STAC: variants seen among roughly 807,000 people sequenced by gnomAD.
STAC encodes the protein SH3 and cysteine rich domain, also known as SH3 and cysteine-rich domain-containing protein.
In STAC, 43 loss-of-function variants were observed where a neutral mutation model predicts 48.8. The observed-to-expected ratio is 0.88, with a 90% CI of 0.69 to 1.14. The LOEUF (loss-of-function observed/expected upper bound fraction) is 1.14, where lower values mean the gene tolerates loss of function less well. Ranked by LOEUF, STAC falls within the 50% of genes most tolerant of loss-of-function variation. The probability of loss-of-function intolerance (pLI) is 0.00; values close to 1 mark genes in which losing one functional copy is unlikely to be tolerated. For missense variants in STAC, 497 were observed against 504.0 expected, an observed-to-expected ratio of 0.99 and a Z score of 0.13; for synonymous variants, 193 against 179.5, an observed-to-expected ratio of 1.07 and a Z score of -0.60.
chr3:36,398,630 G>A (rs113110492), intron 1 of STAC, among the ~76,000 whole-genome samples: 3,122 of 74,764 alleles, frequency 0.042, 362 homozygotes, highest in Middle Eastern at 0.076. Flanking sequence ...GAGAAAAAGA[G>A]AGAGAAAGAA....
chr3:36,383,908 G>A (rs78050576), intron 1 of STAC, among the ~76,000 whole-genome samples: 117 of 152,288 alleles, frequency 7.7e-4, no homozygotes, highest in African/African-American at 2.7e-3. Context: ...TACAAACCCC[G>A]TCTTGGACTT....
chr3:36,482,763 C>T (rs1305889873), intron 2 of STAC, among the ~76,000 whole-genome samples: 2 of 152,074 alleles, frequency 1.3e-5, no homozygotes, highest in Non-Finnish European at 2.9e-5. Flanking sequence ...CTTAGAGTTC[C>T]TGGAGTAGTG....
intron 1 of STAC, chr3:36,409,643 A>G (rs929389240): frequency 8.5e-5 from 13 of 152,214 alleles, no homozygotes; most frequent in African/African-American, 3.1e-4. Context: ...TGACTTGAAG[A>G]TATCTTGTAT....
chr3:36,538,741 TG>T (rs1318583640), intron 10 of STAC, among the ~76,000 whole-genome samples: 7 of 152,234 alleles, frequency 4.6e-5, no homozygotes, highest in Admixed American at 6.5e-5. Context: ...ATTTTCTGGA[TG>T]GTTAAAGAGG....
At chr3:36,426,054 A>ACAAAG (rs1184642892) in intron 1 of STAC, among the ~76,000 whole-genome samples, 2 of 152,020 alleles carry the variant, frequency 1.3e-5, no homozygotes, top group Non-Finnish European at 2.9e-5. Flanking sequence ...ACAAAACAAA[A>ACAAAG]CAAAACAAAA....
chr3:36,456,345 G>A (rs1447336248), intron 2 of STAC, among the ~76,000 whole-genome samples: 5 of 152,054 alleles, frequency 3.3e-5, no homozygotes, highest in Admixed American at 3.3e-4. Flanking sequence ...CTGTTTGTAC[G>A]GAGATTTCAA....
At chr3:36,444,132 A>G (rs1696439162) in intron 2 of STAC, among the ~76,000 whole-genome samples, 1 of 152,306 alleles carries the variant, frequency 6.6e-6, no homozygotes, top group Non-Finnish European at 1.5e-5. Context: ...GATATTCAAA[A>G]TGGTGGGCAA....
chr3:36,532,789 CT>C (rs371998256), intron 10 of STAC, among the ~76,000 whole-genome samples: 11 of 152,264 alleles, frequency 7.2e-5, no homozygotes, highest in African/African-American at 2.6e-4. Flanking sequence ...TCTCTAGCCC[CT>C]GGCTCACAGA....
At chr3:36,424,494 T>G (rs902054231) in intron 1 of STAC, among the ~76,000 whole-genome samples, 3 of 152,174 alleles carry the variant, frequency 2.0e-5, no homozygotes, top group Non-Finnish European at 4.4e-5. Flanking sequence ...CTCTGTCCAC[T>G]AAGAGATCTG....
intron 10 of STAC, among the ~76,000 whole-genome samples, chr3:36,537,552 G>A (rs147066223): frequency 1.4e-3 from 220 of 152,216 alleles, no homozygotes; most frequent in African/African-American, 5.0e-3. Context: ...GGGCAGGGGC[G>A]TGGTGGGGTA....
chr3:36,420,198 T>G (rs896250586), intron 1 of STAC, among the ~76,000 whole-genome samples: 1 of 152,184 alleles, frequency 6.6e-6, no homozygotes, highest in African/African-American at 2.4e-5. Flanking sequence ...ACCTACCAGA[T>G]AGTGTGGATC....
At chr3:36,508,119 G>T (rs1698449837) in intron 8 of STAC, among the ~76,000 whole-genome samples, 1 of 152,150 alleles carries the variant, frequency 6.6e-6, no homozygotes, top group Non-Finnish European at 1.5e-5. Context: ...GGTACATTGT[G>T]TCTTTGTTCT....
intron 2 of STAC, among the ~76,000 whole-genome samples, chr3:36,452,330 T>C (rs1052740800): frequency 6.6e-6 from 1 of 152,216 alleles, no homozygotes; most frequent in South Asian, 2.1e-4. Context: ...TTTTGTTTAA[T>C]ATAGTATAAC....
At chr3:36,426,074 A>G (rs1422571748) in intron 1 of STAC, among the ~76,000 whole-genome samples, 1 of 152,142 alleles carries the variant, frequency 6.6e-6, no homozygotes, top group Admixed American at 6.6e-5. Context: ...ACAAAAAAAG[A>G]GTATTTCAGA....
chr3:36,480,328 C>T (rs1697609357), intron 2 of STAC, among the ~76,000 whole-genome samples: 1 of 152,012 alleles, frequency 6.6e-6, no homozygotes, highest in East Asian at 1.9e-4. Context: ...CATACATGCC[C>T]AATAATTTAT....
chr3:36,415,411 C>A (rs1700297291), intron 1 of STAC, among the ~76,000 whole-genome samples: 1 of 152,210 alleles, frequency 6.6e-6, no homozygotes, highest in African/African-American at 2.4e-5. Context: ...GCAGTTCAAT[C>A]TCAGACTGCT....
At chr3:36,414,512 G>C (rs1700271867) in intron 1 of STAC, among the ~76,000 whole-genome samples, 1 of 152,116 alleles carries the variant, frequency 6.6e-6, no homozygotes, top group African/African-American at 2.4e-5. Flanking sequence ...TCGTGCCATG[G>C]TTTTCAGCTC....
chr3:36,528,896 A>C lies in STAC; in HGVS notation c.1021A>C (p.Arg341=). ...CTTCTTTCCAGCCAACTTTGTTCAG[A>C]GACTACAACAAAATGAGAAGATTTT... The part of the protein sequence containing the change: ...IGFFPANFVQ[R]LQQNEKIFRC... Residue 341 remains arginine, a synonymous_variant, in exon 10 of 11, where the codon AGA becomes CGA. Coordinates refer to ENST00000273183, the MANE Select transcript of STAC (RefSeq NM_003149.3). The C allele has an allele frequency of 6.2e-7, 1 of 1,613,810 alleles. No individual in the cohort carries two copies. Among genetic ancestry groups the C allele is most frequent in the Non-Finnish European group, 8.5e-7 (1 of 1,179,878 alleles).
At chr3:36,453,312 G>A (rs1696740984) in intron 2 of STAC, among the ~76,000 whole-genome samples, 1 of 152,232 alleles carries the variant, frequency 6.6e-6, no homozygotes, top group South Asian at 2.1e-4. Flanking sequence ...CAAGGCCGGA[G>A]CCAGCTCCCT....
Sources: allele counts gnomAD v4.1 joint callset (sites outside exome capture counted in the v4.1 genomes callset), GRCh38; gene constraint gnomAD v4.1.1; transcripts MANE v1.5; gene names NCBI Gene and HGNC (gene_info 2026-07-23, HGNC 2026-07-21).